The following CDS2 variants were observed in gnomAD, a reference collection of about 807,000 sequenced individuals.
The protein encoded by CDS2 is phosphatidate cytidylyltransferase 2.
Under a neutral mutation model 59.0 loss-of-function variants are expected in CDS2, and 47 were observed. The ratio of observed to expected loss-of-function variants is 0.80; its 90% CI spans 0.63 to 1.02. The LOEUF (loss-of-function observed/expected upper bound fraction) is 1.02. CDS2 is among the 50% of genes least tolerant of loss of function. CDS2 has a pLI of 0.00. For missense variants in CDS2, 356 were observed against 558.9 expected (o/e 0.64, Z 3.66); for synonymous variants, 207 against 206.4 (o/e 1.00, Z -0.02).
intron 1 of CDS2, among the ~76,000 whole-genome samples, chr20:5,154,371 G>A (rs56004471): frequency 0.016 from 2,366 of 152,252 alleles, 27 homozygotes; most frequent in South Asian, 0.038. Context: ...GCCTCTCTGG[G>A]AGAGAGGCAG....
At chr20:5,179,211 T>G (rs906977567) in intron 5 of CDS2, among the ~76,000 whole-genome samples, 1 of 146,624 alleles carries the variant, frequency 6.8e-6, no homozygotes, top group African/African-American at 2.5e-5. Flanking sequence ...AACCTCCACC[T>G]CCCAAGTTGA....
chr20:5,148,886 T>C (rs1401031428), intron 1 of CDS2, among the ~76,000 whole-genome samples: 1 of 152,262 alleles, frequency 6.6e-6, no homozygotes, highest in Non-Finnish European at 1.5e-5. Flanking sequence ...AGATTTTTTT[T>C]CAGTATGTAC....
intron 4 of CDS2, among the ~76,000 whole-genome samples, chr20:5,177,224 C>T (rs1600507674): frequency 6.6e-6 from 1 of 152,206 alleles, no homozygotes; most frequent in South Asian, 2.1e-4. Context: ...CATATCTCAG[C>T]ATCCCACTAG....
At chr20:5,130,739 C>T (rs1456425706) in intron 1 of CDS2, among the ~76,000 whole-genome samples, 3 of 150,384 alleles carry the variant, frequency 2.0e-5, no homozygotes, top group South Asian at 4.2e-4. Flanking sequence ...GCCGAGATTG[C>T]GCCGTTGCAC....
intron 1 of CDS2, among the ~76,000 whole-genome samples, chr20:5,149,981 C>T (rs1427798399): frequency 1.3e-5 from 2 of 152,124 alleles, no homozygotes; most frequent in Non-Finnish European, 2.9e-5. Flanking sequence ...TCCCAAAGTG[C>T]TAGGATTACA....
intron 2 of CDS2, among the ~76,000 whole-genome samples, chr20:5,174,214 A>G (rs776629090): frequency 1.3e-5 from 2 of 152,202 alleles, no homozygotes; most frequent in Admixed American, 6.5e-5. Flanking sequence ...AAAACACATT[A>G]TAAGACCCCA....
intron 1 of CDS2, among the ~76,000 whole-genome samples, chr20:5,170,198 C>T (rs1027856616): frequency 6.6e-6 from 1 of 152,042 alleles, no homozygotes; most frequent in Non-Finnish European, 1.5e-5. Flanking sequence ...CCTGGACTGG[C>T]CACTGCCTTA....
At chr20:5,167,278 C>T (rs1161223349) in intron 1 of CDS2, among the ~76,000 whole-genome samples, 11 of 152,118 alleles carry the variant, frequency 7.2e-5, no homozygotes, top group African/African-American at 1.2e-4. Context: ...TTAGAGATGC[C>T]GGAAGTGAAG....
chr20:5,193,172 A>T lies in CDS2; in HGVS notation c.*2938A>T, dbSNP rs1310629276. The T allele has an allele frequency of 6.6e-6, 1 of 152,230 alleles. No homozygotes were observed. The highest frequency in any genetic ancestry group is 1.5e-5 in the Non-Finnish European group (1 of 68,036). The allele number at this position is 152,230 out of a possible 1,614,324, so 9.4% of individuals were successfully genotyped here. On this transcript the variant is annotated 3_prime_UTR_variant, in exon 13 of 13. Coordinates refer to ENST00000460006, the MANE Select transcript of CDS2 (RefSeq NM_003818.4). ...GAGTCTTTGCCTTTTGTGTGTGCGCATGCTGCCCTCTTAACTGCTTTTAGT... is the reference window on the plus strand; with the variant it reads ...GAGTCTTTGCCTTTTGTGTGTGCGCTTGCTGCCCTCTTAACTGCTTTTAGT...
At position 5,188,931 on chromosome 20, in the gene CDS2, G is replaced by T. The variant is rs531161043; in HGVS notation, c.982-136G>T. On this transcript the variant is annotated intron_variant, in intron 10 of 12. Transcript: ENST00000460006. ...CCATTCATGAGGGATTTGCCCCTGT[G>T]ACCCAAACACCTCCCACTAGGCATC... The T allele has an allele frequency of 2.8e-6, 3 of 1,053,828 alleles. No homozygotes were observed. In the South Asian group the frequency reaches 4.3e-5, roughly 15 times the overall value. 65.3% of individuals were successfully genotyped at this position (1,053,828 alleles called of 1,614,324 possible). A position where few individuals can be genotyped will look rare whatever the true frequency, so the allele number is the denominator to read the frequency against.
chr20:5,152,992 A>G (rs183848771), intron 1 of CDS2, among the ~76,000 whole-genome samples: 10 of 152,262 alleles, frequency 6.6e-5, no homozygotes, highest in Non-Finnish European at 1.3e-4. Flanking sequence ...CAGCAATACT[A>G]TATCTCCTGT....
intron 1 of CDS2, among the ~76,000 whole-genome samples, chr20:5,153,637 A>T (rs1013988193): frequency 6.6e-6 from 1 of 152,214 alleles, no homozygotes; most frequent in Non-Finnish European, 1.5e-5. Context: ...TATAGCTTGT[A>T]CTGTTTGCTT....
At chr20:5,158,319 G>A (rs377738221) in intron 1 of CDS2, among the ~76,000 whole-genome samples, 4 of 151,998 alleles carry the variant, frequency 2.6e-5, no homozygotes, top group East Asian at 3.9e-4. Flanking sequence ...ACAGGCACCT[G>A]CCACCACGCC....
At chr20:5,179,304 T>C (rs191162273) in intron 5 of CDS2, among the ~76,000 whole-genome samples, 44 of 152,334 alleles carry the variant, frequency 2.9e-4, no homozygotes, top group African/African-American at 9.1e-4. Context: ...GTATTTTTAG[T>C]AGAGACCGAG....
chr20:5,140,873 AT>A (rs1330178367), intron 1 of CDS2, among the ~76,000 whole-genome samples: 1 of 152,232 alleles, frequency 6.6e-6, no homozygotes, highest in African/African-American at 2.4e-5. Flanking sequence ...TTTATAGGAA[AT>A]TCAAGAGACT....
In CDS2 at chr20:5,130,439, T is replaced by C. The variant is rs139495290; in HGVS notation, c.57+3290T>C. Among the ~76,000 whole-genome samples the C allele has an allele frequency of 3.4e-3, 521 of 152,242 alleles. 3 individuals are homozygous for C. The highest frequency in any genetic ancestry group is 0.011 in the African/African-American group (461 of 41,540). ...ATGAAACAAGAACTTTTTAATTTCA[T>C]AGTAGAAGAATCCAGTGAACAATTT... On this transcript the variant is annotated intron_variant, in intron 1 of 12. Transcript: ENST00000460006.
rs7267572 is a variant in CDS2 at position 5,162,641 on chromosome 20, G to A, written c.58-10882G>A. 9.0e-3 allele frequency among the ~76,000 whole-genome samples: 1,373 copies of A among 152,250 alleles called. 23 individuals carry two copies. The highest frequency in any genetic ancestry group is 0.029 in the African/African-American group (1,216 of 41,538). ...GTTGGGGTTGGAGATACAAATGTTG[G>A]GGTCATTGGCATGGAATTGGTAATT... On this transcript the variant is annotated intron_variant, in intron 1 of 12. Coordinates refer to ENST00000460006, the MANE Select transcript of CDS2 (RefSeq NM_003818.4).
At chr20:5,146,596 A>G (rs904736665) in intron 1 of CDS2, among the ~76,000 whole-genome samples, 2 of 152,150 alleles carry the variant, frequency 1.3e-5, no homozygotes, top group African/African-American at 2.4e-5. Context: ...TATAAAATAC[A>G]TTTGCTATTT....
rs781118574 is a variant in CDS2 at position 5,189,719 on chromosome 20, C to T, written c.1102-16C>T. ...GCTGAGCCCAAGTTCACCCATCCTT[C>T]CCCTGCCTCTAACAGGACTTTGCCA... On this transcript the variant is annotated splice_polypyrimidine_tract_variant and intron_variant, in intron 11 of 12. Coordinates refer to ENST00000460006, the MANE Select transcript of CDS2 (RefSeq NM_003818.4). 1.5e-5 allele frequency: 24 copies of T among 1,602,272 alleles called. No individual in the cohort carries two copies. The highest frequency in any genetic ancestry group is 2.1e-5 in the Non-Finnish European group (24 of 1,170,140).
Sources: allele counts gnomAD v4.1 joint callset (sites outside exome capture counted in the v4.1 genomes callset), GRCh38; gene constraint gnomAD v4.1.1; transcripts MANE v1.5; gene names NCBI Gene and HGNC (gene_info 2026-07-23, HGNC 2026-07-21).